STX18: variants seen among roughly 807,000 people sequenced by gnomAD.
The protein encoded by STX18 is syntaxin-18.
STX18 carries 40 observed loss-of-function variants against 50.1 expected under a neutral mutation model. That is an observed-to-expected ratio of 0.80 (90% CI 0.62 to 1.04). The LOEUF (loss-of-function observed/expected upper bound fraction) is 1.04, where lower values mean the gene tolerates loss of function less well. Among genes scored for constraint, STX18 ranks in the 50% least tolerant of loss-of-function variants. The pLI, the probability that STX18 is intolerant of heterozygous loss-of-function variation, is 0.00. For missense variants in STX18, 410 were observed against 415.8 expected (o/e 0.99, Z 0.12); for synonymous variants, 158 against 151.8 (o/e 1.04, Z -0.30).
intron 5 of STX18, among the ~76,000 whole-genome samples, chr4:4,441,202 C>T (rs1726085879): frequency 6.6e-6 from 1 of 152,190 alleles, no homozygotes; most frequent in South Asian, 2.1e-4. Flanking sequence ...TATTCTACTG[C>T]CCAACACATT....
At chr4:4,442,537 C>G (rs146378141) in intron 5 of STX18, among the ~76,000 whole-genome samples, 1 of 152,026 alleles carries the variant, frequency 6.6e-6, no homozygotes, top group Non-Finnish European at 1.5e-5. Context: ...GAATTGCTTA[C>G]GCCTGGGAGG....
chr4:4,516,920 C>A (rs1730293387), intron 1 of STX18, among the ~76,000 whole-genome samples: 1 of 152,100 alleles, frequency 6.6e-6, no homozygotes, highest in Non-Finnish European at 1.5e-5. Flanking sequence ...CAGTGTAGTA[C>A]CTATCTTATT....
rs1354712755 is a variant in STX18, at chr4:4,419,455, T to TA, written c.*578dup. The TA allele has an allele frequency of 1.2e-4, 18 of 152,420 alleles. No homozygotes were observed. Among genetic ancestry groups the TA allele is most frequent in the Middle Eastern group, 3.4e-3 (1 of 294 alleles). The allele number at this position is 152,420 out of a possible 1,614,324, so 9.4% of individuals were successfully genotyped here. ...TGGGCTGCCACTGAATTTGTCAACT[T>TA]AGACTCATTGACAACACATTAAGGG... On this transcript the variant is annotated 3_prime_UTR_variant, in exon 11 of 11. Coordinates refer to ENST00000306200, the MANE Select transcript of STX18 (RefSeq NM_016930.4).
At chr4:4,531,450 TTTCGTTATA>T (rs1358211624) in intron 1 of STX18, among the ~76,000 whole-genome samples, 1 of 152,210 alleles carries the variant, frequency 6.6e-6, no homozygotes, top group African/African-American at 2.4e-5. Flanking sequence ...ACTATAAATG[TTTCGTTATA>T]TTCTAAATGG....
At chr4:4,440,375 G>A (rs1231942347) in intron 5 of STX18, among the ~76,000 whole-genome samples, 1 of 152,210 alleles carries the variant, frequency 6.6e-6, no homozygotes, top group Non-Finnish European at 1.5e-5. Flanking sequence ...TTTAACAAAG[G>A]AGGAAACTGA....
At chr4:4,437,891 CT>C (rs1251700906) in intron 6 of STX18, among the ~76,000 whole-genome samples, 2 of 152,262 alleles carry the variant, frequency 1.3e-5, no homozygotes, top group African/African-American at 4.8e-5. Context: ...TCTGCATCTC[CT>C]GTGCATCAGG....
At chr4:4,433,043 C>T (rs1725590820) in intron 7 of STX18, among the ~76,000 whole-genome samples, 1 of 152,206 alleles carries the variant, frequency 6.6e-6, no homozygotes, top group Non-Finnish European at 1.5e-5. Context: ...CCACCAGAAC[C>T]AACTGGAAAA....
intron 1 of STX18, among the ~76,000 whole-genome samples, chr4:4,506,542 A>G (rs771884021): frequency 5.3e-5 from 8 of 152,190 alleles, no homozygotes; most frequent in Non-Finnish European, 1.2e-4. Flanking sequence ...AACGGACAGC[A>G]TGGGAGTTTC....
intron 2 of STX18, among the ~76,000 whole-genome samples, chr4:4,462,688 C>T (rs1727442487): frequency 6.6e-6 from 1 of 150,700 alleles, no homozygotes; most frequent in Non-Finnish European, 1.5e-5. Flanking sequence ...ATAGCAAAAC[C>T]ACCTTAAAAA....
At chr4:4,462,774 A>T (rs1727447930) in intron 2 of STX18, among the ~76,000 whole-genome samples, 1 of 152,094 alleles carries the variant, frequency 6.6e-6, no homozygotes, top group South Asian at 2.1e-4. Context: ...CAACAGTTCT[A>T]TCTTCTGAAG....
intron 5 of STX18, 76 bp from the exon 6 acceptor site, chr4:4,438,585 T>C (rs1283327768): frequency 1.6e-6 from 2 of 1,219,444 alleles, no homozygotes; most frequent in Non-Finnish European, 2.4e-6. Context: ...AGGAGTCACA[T>C]GTGACCCTGC....
chr4:4,429,128 G>C (rs1317292197), intron 7 of STX18, among the ~76,000 whole-genome samples: 1 of 152,194 alleles, frequency 6.6e-6, no homozygotes, highest in African/African-American at 2.4e-5. Context: ...CCTAGGGCTG[G>C]TGACTTAAGC....
chr4:4,527,581 G>C (rs1380599425), intron 1 of STX18, among the ~76,000 whole-genome samples: 1 of 151,760 alleles, frequency 6.6e-6, no homozygotes, highest in Non-Finnish European at 1.5e-5. Flanking sequence ...CTTGATTCAG[G>C]ATCTGATAAT....
At chr4:4,508,647 T>C (rs1729850969) in intron 1 of STX18, among the ~76,000 whole-genome samples, 1 of 152,138 alleles carries the variant, frequency 6.6e-6, no homozygotes, top group Non-Finnish European at 1.5e-5. Flanking sequence ...GCACAGATCA[T>C]CCCATCACCT....
At chr4:4,441,110 C>G (rs1337221882) in intron 5 of STX18, among the ~76,000 whole-genome samples, 2 of 152,202 alleles carry the variant, frequency 1.3e-5, no homozygotes, top group South Asian at 2.1e-4. Context: ...GCCTGCAGGG[C>G]TGGCAGTCTT....
chr4:4,472,687 CTT>C, intron 1 of STX18, among the ~76,000 whole-genome samples: 1 of 152,126 alleles, frequency 6.6e-6, no homozygotes, highest in Non-Finnish European at 1.5e-5. Flanking sequence ...ATACACACTT[CTT>C]TGTCAGTGGC....
chr4:4,516,900 T>C (rs1485713089), intron 1 of STX18, among the ~76,000 whole-genome samples: 1 of 152,228 alleles, frequency 6.6e-6, no homozygotes, highest in Non-Finnish European at 1.5e-5. Flanking sequence ...AATTCAGTAT[T>C]TGGTCCCTTC....
rs1281625610 is a variant in STX18, at chr4:4,484,849, T to C, written c.169-13143A>G. On this transcript the variant is annotated intron_variant, in intron 1 of 10. Coordinates refer to ENST00000306200, the MANE Select transcript of STX18 (RefSeq NM_016930.4). ...TTTCTGTGTGCTTGGAAAACTTTCT[T>C]TCATTTGTTCACTTGACAAATATGT... 2.6e-5 allele frequency among the ~76,000 whole-genome samples: 4 copies of C among 152,338 alleles called. No homozygotes were observed. In the South Asian group the frequency reaches 6.2e-4, roughly 24 times the overall value.
At chr4:4,424,882 A>T (rs546223766) in intron 8 of STX18, among the ~76,000 whole-genome samples, 2 of 152,188 alleles carry the variant, frequency 1.3e-5, no homozygotes, top group South Asian at 4.2e-4. Flanking sequence ...GGTGGAAATT[A>T]TACGCAGGTA....
Sources: gnomAD v4.1 joint callset for allele counts (sites outside exome capture counted in the v4.1 genomes callset) on GRCh38, gnomAD v4.1.1 for gene constraint, MANE v1.5 for transcripts, NCBI Gene and HGNC (gene_info 2026-07-23, HGNC 2026-07-21) for gene names.